Variants in VSX1 observed in about 807,000 individuals in gnomAD.
VSX1 encodes the protein visual system homeobox 1, also known as homeodomain protein RINX.
In VSX1, 23 loss-of-function variants were observed where a neutral mutation model predicts 23.6. The observed-to-expected ratio is 0.97, with a 90% CI of 0.70 to 1.38. The LOEUF (loss-of-function observed/expected upper bound fraction) is 1.38. Ranked by LOEUF, VSX1 falls within the 40% of genes most tolerant of loss-of-function variation. The pLI is 0.00. For synonymous variants in VSX1, 247 were observed against 215.1 expected (o/e 1.15, Z -1.30); for missense variants, 517 against 495.4 (o/e 1.04, Z -0.41).
At chr20:25,072,402 C>A, downstream of VSX1, 1 of 409,584 alleles carries the variant, frequency 2.4e-6, no homozygotes, top group South Asian at 1.8e-5. Context: ...CACCCACTTT[C>A]TGTCCACACG....
At position 25,076,367 on chromosome 20, in the gene VSX1, G is replaced by T. The variant is rs2089491866; in HGVS notation, c.992C>A (p.Ser331Tyr). ...LEDVAIDLSSSARQETKKVHP... is the reference protein window; with the variant it reads ...LEDVAIDLSSYARQETKKVHP... Reference sequence around the variant, plus strand: ...CACTTTCTTGGTCTCCTGCCGGGCAGAGCTGGAGAGGTCAATAGCCACATC... The same window carrying T: ...CACTTTCTTGGTCTCCTGCCGGGCATAGCTGGAGAGGTCAATAGCCACATC... Residue 331 changes from serine to tyrosine, a missense_variant, in exon 5 of 5, where the codon TCT becomes TAT. By Grantham distance (144) the Ser-to-Tyr change is moderately radical. Transcript: ENST00000376709. 2 of 1,614,164 alleles carry T rather than the reference G, an allele frequency of 1.2e-6. No homozygotes were observed. The highest frequency in any genetic ancestry group is 1.7e-6 in the Non-Finnish European group (2 of 1,180,030).
At chr20:25,078,006 G>A (rs1408799967) in intron 3 of VSX1, 141 bp from the exon 4 acceptor site, 4 of 1,203,632 alleles carry the variant, frequency 3.3e-6, no homozygotes, top group Admixed American at 2.1e-5. Flanking sequence ...AATAGCTCCC[G>A]AGGGCCAACC....
downstream of VSX1, chr20:25,071,722 A>C: frequency 1.5e-6 from 1 of 679,102 alleles, no homozygotes; most frequent in Non-Finnish European, 2.7e-6. Context: ...GATACGGAAA[A>C]GAACACACTG....
intron 3 of VSX1, chr20:25,078,467 A>G: frequency 3.6e-6 from 4 of 1,113,272 alleles, no homozygotes; most frequent in Non-Finnish European, 3.5e-6. Flanking sequence ...GGGGCAGATA[A>G]TATACTCCAC....
rs1467864691 is a variant in VSX1 at position 25,081,874 on chromosome 20, G to A, written c.223C>T (p.Arg75Cys). ...CCGAGTCCCAGCGGTAGGGCCCCAC[G>A]CGCCAGGCTGGAGCCGTCAAGCCCC... ...GPGLDGSSLA[R>C]GALPLGLGLL... The change falls in exon 1 of 5, where the codon CGT becomes TGT. Residue 75 changes from arginine (R) to cysteine (C), a missense_variant. Physicochemically the swap from Arg to Cys is radical, Grantham distance 180 (BLOSUM62 -3). Transcript: ENST00000376709. The A allele has an allele frequency of 3.9e-6, 6 of 1,523,952 alleles. No individual in the cohort carries two copies. Among genetic ancestry groups the A allele is most frequent in the Non-Finnish European group, 4.4e-6 (5 of 1,142,898 alleles). The allele number at this position is 1,523,952 out of a possible 1,614,324, so 94.4% of individuals were successfully genotyped here.
downstream of VSX1, chr20:25,072,726 C>T (rs550430232): frequency 2.6e-5 from 12 of 465,702 alleles, no homozygotes; most frequent in South Asian, 1.6e-4. Flanking sequence ...TGTTTTTATA[C>T]GATTAAACCT....
intron 2 of VSX1, 92 bp from the exon 3 acceptor site, chr20:25,079,044 C>T (rs1336491311): frequency 1.4e-5 from 21 of 1,485,046 alleles, no homozygotes; most frequent in Non-Finnish European, 1.9e-5. Flanking sequence ...GCTTCCTCTG[C>T]TGTCCAGACC....
intron 1 of VSX1, 167 bp downstream of exon 1, chr20:25,081,506 C>T: frequency 1.9e-6 from 2 of 1,030,506 alleles, no homozygotes; most frequent in Non-Finnish European, 3.0e-6. Context: ...AAGGGGCAGG[C>T]GGCGCAGCTC....
chr20:25,072,343 G>T (rs1013216738), downstream of VSX1, among the ~76,000 whole-genome samples: 2 of 152,226 alleles, frequency 1.3e-5, no homozygotes, highest in African/African-American at 4.8e-5. Context: ...CATATGGACA[G>T]TTGTCCCAGT....
At chr20:25,079,259 G>T (rs908411632) in intron 2 of VSX1, among the ~76,000 whole-genome samples, 177 bp downstream of exon 2, 1 of 152,138 alleles carries the variant, frequency 6.6e-6, no homozygotes, top group Non-Finnish European at 1.5e-5. Flanking sequence ...CATTTTCCCA[G>T]CCTCCTAGGA....
chr20:25,074,960 T>C (rs2089455851), downstream of VSX1, among the ~76,000 whole-genome samples: 2 of 152,228 alleles, frequency 1.3e-5, no homozygotes, highest in African/African-American at 2.4e-5. Context: ...TCAGTTATGA[T>C]ATCTGTTAGC....
downstream of VSX1, among the ~76,000 whole-genome samples, chr20:25,072,267 G>A (rs1700595000): frequency 6.6e-6 from 1 of 152,162 alleles, no homozygotes; most frequent in Non-Finnish European, 1.5e-5. Flanking sequence ...CATACACCAT[G>A]TCTTTAATCC....
At chr20:25,077,639 C>G in intron 4 of VSX1, 46 bp downstream of exon 4, 1 of 1,538,288 alleles carries the variant, frequency 6.5e-7, no homozygotes, top group Non-Finnish European at 8.7e-7. Flanking sequence ...ATTCCCCCAC[C>G]TCCTACAACA....
chr20:25,075,749 C>T lies in VSX1; in HGVS notation c.*512G>A, dbSNP rs2089474478. ...TGACACTCAAGAAAACACAAAATTA[C>T]TCCCTAACAAGAAAATTGAAATATC... On this transcript the variant is annotated 3_prime_UTR_variant, in exon 5 of 5. Transcript: ENST00000376709. 1 of 157,062 alleles carries T rather than the reference C, an allele frequency of 6.4e-6. No homozygotes were observed. The highest frequency in any genetic ancestry group is 1.9e-4 in the South Asian group (1 of 5,312). 9.7% of individuals were successfully genotyped at this position (157,062 alleles called of 1,614,324 possible).
At chr20:25,072,315 T>A (rs769751569), downstream of VSX1, among the ~76,000 whole-genome samples, 13 of 152,102 alleles carry the variant, frequency 8.5e-5, no homozygotes, top group African/African-American at 2.4e-5. Context: ...GAGGTACAGG[T>A]CCAATTGTAT....
rs906848004 is a variant in VSX1, at chr20:25,075,493, G to T, written c.*768C>A. On this transcript the variant is annotated 3_prime_UTR_variant, in exon 5 of 5. Transcript: ENST00000376709. Reference sequence around the variant, plus strand: ...ACACCACAAAATGTTTATTTTTAAAGAATAAATAAATGGCAAAGGAAACGC... The same window carrying T: ...ACACCACAAAATGTTTATTTTTAAATAATAAATAAATGGCAAAGGAAACGC... The T allele has an allele frequency of 6.6e-6, 1 of 152,252 alleles. No homozygotes were observed. The highest frequency in any genetic ancestry group is 2.4e-5 in the African/African-American group (1 of 41,446). 9.4% of individuals were successfully genotyped at this position (152,252 alleles called of 1,614,324 possible).
At chr20:25,081,637 G>C (rs984347309) in intron 1 of VSX1, 36 bp downstream of exon 1, 1 of 1,532,598 alleles carries the variant, frequency 6.5e-7, no homozygotes, top group South Asian at 1.2e-5. Context: ...GAGCCTAGGG[G>C]ACAGGGGCAG....
downstream of VSX1, among the ~76,000 whole-genome samples, chr20:25,074,018 C>T (rs34026045): frequency 2.3e-3 from 344 of 152,184 alleles, no homozygotes; most frequent in Non-Finnish European, 3.8e-3. Context: ...AGCTATTATT[C>T]CATGATTTAT....
At position 25,076,199 on chromosome 20, in the gene VSX1, T is replaced by G; in HGVS notation, c.*62A>C. ...TATATGTCTTGGACAATTTTTGTCTTTTGGAAAATGCCAGTGAGGAATATG... is the reference window on the plus strand; with the variant it reads ...TATATGTCTTGGACAATTTTTGTCTGTTGGAAAATGCCAGTGAGGAATATG... On this transcript the variant is annotated 3_prime_UTR_variant, in exon 5 of 5. Coordinates refer to ENST00000376709, the MANE Select transcript of VSX1 (RefSeq NM_014588.6). 1 of 1,610,496 alleles carries G rather than the reference T, an allele frequency of 6.2e-7. No homozygotes were observed. The highest frequency in any genetic ancestry group is 8.5e-7 in the Non-Finnish European group (1 of 1,178,652).
Sources: gnomAD v4.1 joint callset for allele counts (sites outside exome capture counted in the v4.1 genomes callset) on GRCh38, gnomAD v4.1.1 for gene constraint, MANE v1.5 for transcripts, NCBI Gene and HGNC (gene_info 2026-07-23, HGNC 2026-07-21) for gene names.